The following NTM variants were observed in gnomAD, a reference collection of about 807,000 sequenced individuals.
The protein encoded by NTM is neurotrimin, also known as IgLON family member 2.
Under a neutral mutation model 42.1 loss-of-function variants are expected in NTM, and 13 were observed. The ratio of observed to expected loss-of-function variants is 0.31; its 90% CI spans 0.20 to 0.49. The LOEUF (loss-of-function observed/expected upper bound fraction) is 0.49. NTM is among the 20% of genes least tolerant of loss of function. The probability of loss-of-function intolerance (pLI) is 0.99; values close to 1 mark genes in which losing one functional copy is unlikely to be tolerated. For synonymous variants in NTM, 187 were observed against 179.2 expected, an observed-to-expected ratio of 1.04 and a Z score of -0.35; for missense variants, 373 against 452.8, an observed-to-expected ratio of 0.82 and a Z score of 1.60.
chr11:131,954,730 T>G (rs2061383971), intron 2 of NTM, among the ~76,000 whole-genome samples: 1 of 152,168 alleles, frequency 6.6e-6, no homozygotes, highest in African/African-American at 2.4e-5. Context: ...TAATTCCCCA[T>G]CCACATTCGT....
intron 2 of NTM, among the ~76,000 whole-genome samples, chr11:132,035,214 G>A (rs1474328733): frequency 2.0e-5 from 3 of 152,188 alleles, no homozygotes; most frequent in Non-Finnish European, 4.4e-5. Context: ...ATACCAGAGT[G>A]AGTCCCCTCT....
chr11:132,250,929 T>C (rs550381957), intron 4 of NTM, among the ~76,000 whole-genome samples: 11 of 152,230 alleles, frequency 7.2e-5, no homozygotes, highest in Non-Finnish European at 1.6e-4. Context: ...TGGTTACTTT[T>C]GGCTCTGTGA....
At chr11:132,274,402 G>T (rs2139737109) in intron 4 of NTM, among the ~76,000 whole-genome samples, 2 of 150,744 alleles carry the variant, frequency 1.3e-5, no homozygotes, top group East Asian at 3.9e-4. Flanking sequence ...AAAAGTTTTT[G>T]GTTTTTGTTA....
intron 1 of NTM, among the ~76,000 whole-genome samples, chr11:131,729,148 T>G (rs1414806079): frequency 6.6e-6 from 1 of 152,220 alleles, no homozygotes; most frequent in Non-Finnish European, 1.5e-5. Context: ...GTCCTGAGTT[T>G]TTTTTATCTG....
At chr11:131,783,748 A>C (rs2088611174) in intron 1 of NTM, among the ~76,000 whole-genome samples, 1 of 152,194 alleles carries the variant, frequency 6.6e-6, no homozygotes, top group African/African-American at 2.4e-5. Context: ...CTTAGACCGA[A>C]GGCAAAAAGG....
intron 1 of NTM, among the ~76,000 whole-genome samples, chr11:131,641,729 A>ATTT (rs139661617): frequency 2.8e-5 from 4 of 140,626 alleles, no homozygotes; most frequent in East Asian, 2.1e-4. Context: ...AATAGTCTAG[A>ATTT]TTTTTTTTTT....
At chr11:132,327,083 TGC>T (rs1565491623) in intron 7 of NTM, among the ~76,000 whole-genome samples, 1 of 152,214 alleles carries the variant, frequency 6.6e-6, no homozygotes, top group East Asian at 1.9e-4. Flanking sequence ...CAAAACAGAT[TGC>T]ATGTCACCTC....
At chr11:131,884,189 C>A (rs936205853) in intron 1 of NTM, among the ~76,000 whole-genome samples, 4 of 152,270 alleles carry the variant, frequency 2.6e-5, no homozygotes, top group African/African-American at 9.6e-5. Context: ...GCGGGCAGAT[C>A]ACCTGAGGTC....
chr11:131,420,240 G>A (rs1031927383), intron 1 of NTM, among the ~76,000 whole-genome samples: 3 of 152,108 alleles, frequency 2.0e-5, no homozygotes, highest in Non-Finnish European at 2.9e-5. Context: ...CAATGGCAAA[G>A]GTCCTTATAA....
intron 3 of NTM, among the ~76,000 whole-genome samples, chr11:132,200,887 A>G (rs1181063545): frequency 1.3e-5 from 2 of 152,242 alleles, no homozygotes; most frequent in African/African-American, 2.4e-5. Context: ...AGAGGTTACC[A>G]TGACCTATAC....
chr11:131,576,170 A>G (rs2057913304), intron 1 of NTM, among the ~76,000 whole-genome samples: 1 of 152,152 alleles, frequency 6.6e-6, no homozygotes, highest in Non-Finnish European at 1.5e-5. Flanking sequence ...CCCCCAGACC[A>G]TAAATAACAG....
chr11:131,821,853 C>A (rs79549056), intron 1 of NTM, among the ~76,000 whole-genome samples: 8,100 of 152,224 alleles, frequency 0.053, 290 homozygotes, highest in Non-Finnish European at 0.079. Flanking sequence ...GCTGATTTCA[C>A]AGAACTTTCT....
chr11:132,044,422 T>A (rs2135828286), intron 2 of NTM, among the ~76,000 whole-genome samples: 1 of 152,238 alleles, frequency 6.6e-6, no homozygotes, highest in East Asian at 1.9e-4. Flanking sequence ...AGTTGGGAAA[T>A]CTGAGGCCAA....
intron 2 of NTM, among the ~76,000 whole-genome samples, chr11:132,126,973 C>T (rs1255454092): frequency 3.3e-5 from 5 of 152,168 alleles, no homozygotes; most frequent in African/African-American, 9.6e-5. Flanking sequence ...TTGCTTCTTT[C>T]GGGCCTTATT....
At chr11:132,284,520 C>T (rs557209550) in intron 4 of NTM, among the ~76,000 whole-genome samples, 97 of 151,552 alleles carry the variant, frequency 6.4e-4, no homozygotes, top group African/African-American at 1.7e-3. Context: ...CCTCACACTG[C>T]GATACTGGGA....
Position 132,259,658 on chromosome 11 carries a change from C to T in NTM, c.526+47511C>T, listed in dbSNP as rs192542567. Among the ~76,000 whole-genome samples the T allele has an allele frequency of 9.0e-3, 1,363 of 151,672 alleles. 17 individuals carry two copies. Among genetic ancestry groups the T allele is most frequent in the African/African-American group, 0.031 (1,287 of 41,386 alleles). On this transcript the variant is annotated intron_variant, in intron 4 of 8. Coordinates refer to ENST00000683400, the MANE Select transcript of NTM (RefSeq NM_001352005.2). ...TTGCGCCACTGCACTCCAGCCTGGGCGACAGAGTGAGACTCCATCTCAAAA... is the reference window on the plus strand; with the variant it reads ...TTGCGCCACTGCACTCCAGCCTGGGTGACAGAGTGAGACTCCATCTCAAAA...
intron 1 of NTM, among the ~76,000 whole-genome samples, chr11:131,456,076 G>A (rs929985961): frequency 6.6e-5 from 10 of 152,210 alleles, no homozygotes; most frequent in Non-Finnish European, 1.3e-4. Context: ...AGACCTTGGC[G>A]GTGACCTTGA....
At chr11:131,749,639 C>T (rs1395705083) in intron 1 of NTM, among the ~76,000 whole-genome samples, 5 of 152,124 alleles carry the variant, frequency 3.3e-5, no homozygotes, top group Non-Finnish European at 5.9e-5. Flanking sequence ...GCTCTTGTCA[C>T]CCAGGCTGGA....
chr11:132,318,322 G>GAGTT (rs2095482774), intron 7 of NTM, among the ~76,000 whole-genome samples: 2 of 152,118 alleles, frequency 1.3e-5, no homozygotes, highest in South Asian at 2.1e-4. Context: ...CCACCGTACA[G>GAGTT]AGTTGTTCCA....
Sources: allele counts gnomAD v4.1 joint callset (sites outside exome capture counted in the v4.1 genomes callset), GRCh38; gene constraint gnomAD v4.1.1; transcripts MANE v1.5; gene names NCBI Gene and HGNC (gene_info 2026-07-23, HGNC 2026-07-21).